Variants in QTMAN observed in about 807,000 individuals in gnomAD.
QTMAN encodes the protein tRNA-queuosine alpha-mannosyltransferase.
At chr2:144,281,770 G>A in the QTMAN span, among the ~76,000 whole-genome samples, 1 of 152,160 alleles carries the variant, frequency 6.6e-6, no homozygotes, top group Non-Finnish European at 1.5e-5. Context: ...CAACTGCATA[G>A]CCAGGAAAGA....
the QTMAN span, among the ~76,000 whole-genome samples, chr2:144,112,985 TA>T: frequency 6.6e-6 from 1 of 151,990 alleles, no homozygotes; most frequent in East Asian, 1.9e-4. Flanking sequence ...AGGAGGCCTG[TA>T]AAAAAACCCT....
chr2:144,240,656 T>A, the QTMAN span, among the ~76,000 whole-genome samples: 2 of 152,202 alleles, frequency 1.3e-5, no homozygotes, highest in Admixed American at 6.5e-5. Context: ...AATATTAACA[T>A]AAAATCCACC....
At chr2:144,179,746 C>T in the QTMAN span, among the ~76,000 whole-genome samples, 3 of 152,270 alleles carry the variant, frequency 2.0e-5, no homozygotes, top group South Asian at 4.1e-4. Context: ...CTTAGTTTTC[C>T]ACATTTATTG....
chr2:143,945,916 A>G, the QTMAN span: 1 of 152,262 alleles, frequency 6.6e-6, no homozygotes, highest in East Asian at 1.9e-4. Flanking sequence ...TTCATCCGGA[A>G]AAGAAACAAT....
At chr2:143,977,950 T>C in the QTMAN span, among the ~76,000 whole-genome samples, 1 of 152,182 alleles carries the variant, frequency 6.6e-6, no homozygotes, top group African/African-American at 2.4e-5. Context: ...CTACTCTTAC[T>C]CCACAATTCG....
chr2:143,988,872 G>C, the QTMAN span, among the ~76,000 whole-genome samples: 8,606 of 152,236 alleles, frequency 0.057, 400 homozygotes, highest in African/African-American at 0.12. Flanking sequence ...TACTATAGTT[G>C]AAATTCATTT....
the QTMAN span, among the ~76,000 whole-genome samples, chr2:144,122,926 C>G: frequency 2.0e-5 from 3 of 152,068 alleles, no homozygotes; most frequent in South Asian, 6.2e-4. Context: ...CCTCAAAGTA[C>G]CCAAAATGAA....
At chr2:144,153,407 G>T in the QTMAN span, among the ~76,000 whole-genome samples, 4 of 152,118 alleles carry the variant, frequency 2.6e-5, no homozygotes, top group Non-Finnish European at 5.9e-5. Context: ...AAATACAGAA[G>T]ATATAAAACC....
the QTMAN span, among the ~76,000 whole-genome samples, chr2:143,986,720 C>A: frequency 2.0e-5 from 3 of 152,146 alleles, no homozygotes; most frequent in South Asian, 6.2e-4. Context: ...AATGCATAAA[C>A]CCTTGGGGAC....
chr2:144,009,186 A>C, the QTMAN span, among the ~76,000 whole-genome samples: 2 of 152,066 alleles, frequency 1.3e-5, no homozygotes, highest in Non-Finnish European at 2.9e-5. Flanking sequence ...TGCAAAGCTG[A>C]GGGAAAAAGA....
the QTMAN span, among the ~76,000 whole-genome samples, chr2:144,179,584 G>C: frequency 6.6e-6 from 1 of 152,130 alleles, no homozygotes; most frequent in African/African-American, 2.4e-5. Flanking sequence ...TAGGAGCACA[G>C]AGGAAACTGG....
chr2:143,939,372 T>C, the QTMAN span: 1 of 152,348 alleles, frequency 6.6e-6, no homozygotes, highest in Admixed American at 6.5e-5. Context: ...GATTTATTTT[T>C]TTAAATGGGT....
the QTMAN span, among the ~76,000 whole-genome samples, chr2:144,259,587 A>C: frequency 6.6e-6 from 1 of 152,206 alleles, no homozygotes; most frequent in South Asian, 2.1e-4. Flanking sequence ...TTTGCTATTC[A>C]GGAACAAATA....
At chr2:144,145,180 C>T in the QTMAN span, among the ~76,000 whole-genome samples, 2 of 148,704 alleles carry the variant, frequency 1.3e-5, no homozygotes, top group South Asian at 4.2e-4. Flanking sequence ...ATTTTTACTT[C>T]TCTGTAAAAC....
the QTMAN span, among the ~76,000 whole-genome samples, chr2:144,251,141 C>T: frequency 4.6e-5 from 7 of 151,984 alleles, no homozygotes; most frequent in East Asian, 3.9e-4. Flanking sequence ...ACACTGTTTC[C>T]GCTGCATACA....
chr2:144,237,656 C>T, the QTMAN span, among the ~76,000 whole-genome samples: 1 of 152,042 alleles, frequency 6.6e-6, no homozygotes, highest in African/African-American at 2.4e-5. Context: ...CTTGTGCTGT[C>T]AAAGAAAGGG....
chr2:144,193,943 G>A, the QTMAN span, among the ~76,000 whole-genome samples: 11 of 152,060 alleles, frequency 7.2e-5, no homozygotes, highest in East Asian at 1.9e-4. Context: ...ATTTCTTCCC[G>A]CTCTATCACT....
chr2:144,100,524 G>A, the QTMAN span, among the ~76,000 whole-genome samples: 2 of 152,128 alleles, frequency 1.3e-5, no homozygotes, highest in Non-Finnish European at 2.9e-5. Flanking sequence ...TTGAATTGGG[G>A]CTAAAATAAC....
At chr2:143,983,226 T>G in the QTMAN span, among the ~76,000 whole-genome samples, 7 of 152,048 alleles carry the variant, frequency 4.6e-5, no homozygotes, top group Admixed American at 4.6e-4. Context: ...AAGGAACAGT[T>G]GAGGGGATTA....
Sources: gnomAD v4.1 joint callset for allele counts (sites outside exome capture counted in the v4.1 genomes callset) on GRCh38, gnomAD v4.1.1 for gene constraint, MANE v1.5 for transcripts, NCBI Gene and HGNC (gene_info 2026-07-23, HGNC 2026-07-21) for gene names.